The following ZNF248 variants were observed in gnomAD, a reference collection of about 807,000 sequenced individuals.
ZNF248 encodes zinc finger protein 248.
A neutral mutation model predicts 44.3 loss-of-function variants in ZNF248; 20 were observed. That is an observed-to-expected ratio of 0.45 (90% CI 0.32 to 0.66). The LOEUF (loss-of-function observed/expected upper bound fraction) is 0.66, where lower values mean the gene tolerates loss of function less well. Among genes scored for constraint, ZNF248 ranks in the 30% least tolerant of loss-of-function variants. ZNF248 has a pLI of 0.04. For synonymous variants in ZNF248, 224 were observed against 229.0 expected (o/e 0.98, Z 0.20); for missense variants, 654 against 677.0 (o/e 0.97, Z 0.38).
At chr10:37,813,025 GA>G (rs75862715) in intron 6 of ZNF248, among the ~76,000 whole-genome samples, 20,860 of 108,556 alleles carry the variant, frequency 0.19, 1,472 homozygotes, top group Admixed American at 0.27. Context: ...ATGGCAAAAA[GA>G]AAAAAAAAAA....
At chr10:37,825,957 C>CTCAAAGGTGTTCCTCCATAATGT (rs1354109698), downstream of ZNF248, among the ~76,000 whole-genome samples, 2 of 150,798 alleles carry the variant, frequency 1.3e-5, no homozygotes, top group Non-Finnish European at 2.9e-5. Flanking sequence ...AAGGTATATG[C>CTCAAAGGTGTTCCTCCATAATGT]TCAAAGGTGT....
intron 6 of ZNF248, among the ~76,000 whole-genome samples, chr10:37,811,671 C>CA (rs367773211): frequency 0.011 from 1,397 of 132,844 alleles, 31 homozygotes; most frequent in African/African-American, 0.036. Context: ...CCTGTCTCTA[C>CA]AAAAAAAAAA....
chr10:37,857,632 G>A (rs1046511265), upstream of ZNF248: 19 of 152,310 alleles, frequency 1.2e-4, no homozygotes, highest in African/African-American at 3.9e-4. Context: ...GCGGGCTCAG[G>A]GCACAAAAAG....
downstream of ZNF248, chr10:37,775,232 T>A (rs1170512811): frequency 6.6e-6 from 1 of 152,198 alleles, no homozygotes; most frequent in Admixed American, 6.5e-5. Context: ...ATTAATATGT[T>A]GACTTTTCCC....
intron 5 of ZNF248, among the ~76,000 whole-genome samples, chr10:37,834,195 A>G (rs893273287): frequency 2.6e-5 from 4 of 152,158 alleles, no homozygotes; most frequent in African/African-American, 9.7e-5. Context: ...AATCTCTATA[A>G]CATCTCTACC....
At chr10:37,773,985 G>A (rs946942074), downstream of ZNF248, among the ~76,000 whole-genome samples, 19 of 138,062 alleles carry the variant, frequency 1.4e-4, no homozygotes, top group Admixed American at 3.7e-4. Context: ...TTCTGAAAAT[G>A]AATACACACA....
At position 37,856,345 on chromosome 10, in the gene ZNF248, A is replaced by G; in HGVS notation, c.-27-8T>C. ...TTAGTGGAGGAAGGAGAGCTGAAGG[A>G]TTAGAAAGGAAGAATGTCAGGAGAG... On this transcript the variant is annotated splice_region_variant and splice_polypyrimidine_tract_variant and intron_variant, in intron 2 of 5. Transcript: ENST00000395867. 1.9e-6 allele frequency: 3 copies of G among 1,613,392 alleles called. No individual in the cohort carries two copies. The highest frequency in any genetic ancestry group is 3.3e-4 in the Middle Eastern group (2 of 6,060).
At position 37,822,336 on chromosome 10, in the gene ZNF248, A is replaced by G. The variant is rs1455721797; in HGVS notation, c.330+10689T>C. ...AAAGCTGAAAACGAGAACAACAATT[A>G]AAGTGTCATCTCCATGACTGTTTTC... On this transcript the variant is annotated intron_variant, in intron 6 of 6. Transcript: ENST00000615949. 2.6e-5 allele frequency among the ~76,000 whole-genome samples: 4 copies of G among 152,312 alleles called. No individual in the cohort carries two copies. In the South Asian group the frequency reaches 8.3e-4, roughly 32 times the overall value.
chr10:37,771,515 C>T, the ZNF248 span, among the ~76,000 whole-genome samples: 4 of 16,490 alleles, frequency 2.4e-4, no homozygotes, highest in African/African-American at 5.3e-4. Flanking sequence ...AGCAAACTAT[C>T]GCAAGGACAA....
intron 6 of ZNF248, chr10:37,791,563 G>T (rs1270248791): frequency 6.6e-6 from 1 of 152,082 alleles, no homozygotes; most frequent in Non-Finnish European, 1.5e-5. Context: ...ACTTGAAATA[G>T]CCACCCCACA....
At chr10:37,807,155 T>A (rs915045175) in intron 6 of ZNF248, among the ~76,000 whole-genome samples, 6 of 152,048 alleles carry the variant, frequency 3.9e-5, no homozygotes, top group Non-Finnish European at 8.8e-5. Context: ...TCCAGCATCA[T>A]TTTTTTAAGA....
downstream of ZNF248, among the ~76,000 whole-genome samples, chr10:37,773,844 T>C (rs1135546): frequency 0.17 from 25,713 of 152,084 alleles, 2,323 homozygotes; most frequent in Non-Finnish European, 0.19. Context: ...TCTGAGGCAT[T>C]GAGGGGGTTA....
chr10:37,823,710 G>A (rs1384778436), intron 6 of ZNF248, among the ~76,000 whole-genome samples: 4 of 151,840 alleles, frequency 2.6e-5, no homozygotes, highest in Non-Finnish European at 5.9e-5. Context: ...AGTACCTAGG[G>A]CTACAGGCAC....
At chr10:37,826,468 T>C (rs1589540536), downstream of ZNF248, among the ~76,000 whole-genome samples, 1 of 152,346 alleles carries the variant, frequency 6.6e-6, no homozygotes, top group East Asian at 1.9e-4. Context: ...CAGCCTTTGA[T>C]AGCATCTGAC....
intron 5 of ZNF248, among the ~76,000 whole-genome samples, chr10:37,836,259 T>C (rs1172958162): frequency 6.6e-6 from 1 of 152,200 alleles, no homozygotes; most frequent in African/African-American, 2.4e-5. Flanking sequence ...CACCACAGTA[T>C]ATACACTGCA....
chr10:37,783,441 C>A (rs1465292801), intron 6 of ZNF248, among the ~76,000 whole-genome samples: 1 of 152,132 alleles, frequency 6.6e-6, no homozygotes, highest in East Asian at 1.9e-4. Flanking sequence ...GGTGAATCTT[C>A]ATGATTTTAG....
At chr10:37,856,628 G>C (rs1308102196) in intron 1 of ZNF248, 96 bp from the exon 2 acceptor site, 9 of 1,025,826 alleles carry the variant, frequency 8.8e-6, no homozygotes, top group Non-Finnish European at 9.2e-6. Context: ...AAAATTCCTT[G>C]TAGGGAAAAA....
At chr10:37,845,888 A>T (rs2059242346) in intron 3 of ZNF248, among the ~76,000 whole-genome samples, 1 of 152,210 alleles carries the variant, frequency 6.6e-6, no homozygotes. Context: ...CAGAAGAGCA[A>T]AAATAAAAAA....
intron 3 of ZNF248, among the ~76,000 whole-genome samples, chr10:37,846,034 C>T (rs1452446610): frequency 2.0e-5 from 3 of 152,126 alleles, no homozygotes; most frequent in Non-Finnish European, 4.4e-5. Context: ...ATGATTTTTG[C>T]CTGTAACTTC....
Sources: allele counts gnomAD v4.1 joint callset (sites outside exome capture counted in the v4.1 genomes callset), GRCh38; gene constraint gnomAD v4.1.1; transcripts MANE v1.5; gene names NCBI Gene and HGNC (gene_info 2026-07-23, HGNC 2026-07-21).